The following ARSG variants were observed in gnomAD, a reference collection of about 807,000 sequenced individuals.
The protein encoded by ARSG is arylsulfatase G, also known as ASG.
ARSG carries 37 observed loss-of-function variants against 50.5 expected under a neutral mutation model. The observed-to-expected ratio is 0.73, with a 90% CI of 0.56 to 0.96. The LOEUF (loss-of-function observed/expected upper bound fraction) is 0.96. Ranked by LOEUF, ARSG falls within the 50% of genes least tolerant of loss-of-function variation. The pLI, the probability that ARSG is intolerant of heterozygous loss-of-function variation, is 0.00. For missense variants in ARSG, 629 were observed against 675.3 expected (o/e 0.93, Z 0.76); for synonymous variants, 225 against 254.6 (o/e 0.88, Z 1.11).
intron 9 of ARSG, among the ~76,000 whole-genome samples, chr17:68,393,379 G>A (rs1476468974): frequency 1.3e-5 from 2 of 152,132 alleles, no homozygotes; most frequent in Non-Finnish European, 2.9e-5. Flanking sequence ...TACGCTACCT[G>A]CCTGGTAGTC....
At chr17:68,382,250 T>C (rs561091236) in intron 8 of ARSG, among the ~76,000 whole-genome samples, 14 of 152,336 alleles carry the variant, frequency 9.2e-5, no homozygotes, top group African/African-American at 3.4e-4. Context: ...CGGCCGGCTC[T>C]ATCATTTTCT....
At chr17:68,316,093 GCACA>G (rs2077059490) in intron 2 of ARSG, among the ~76,000 whole-genome samples, 1 of 152,146 alleles carries the variant, frequency 6.6e-6, no homozygotes, top group African/African-American at 2.4e-5. Flanking sequence ...TCCTCACATT[GCACA>G]TGTTTCTGTT....
At chr17:68,439,755 G>A in the ARSG span, among the ~76,000 whole-genome samples, 5 of 152,200 alleles carry the variant, frequency 3.3e-5, no homozygotes, top group African/African-American at 4.8e-5. Context: ...AACTCTGGCC[G>A]AGTTATTTGC....
At chr17:68,444,915 C>CT in the ARSG span, among the ~76,000 whole-genome samples, 647 of 89,048 alleles carry the variant, frequency 7.3e-3, 17 homozygotes, top group African/African-American at 0.017. Flanking sequence ...ATCCTGAACA[C>CT]TTTTTTTTTT....
intron 11 of ARSG, among the ~76,000 whole-genome samples, chr17:68,412,295 A>C (rs1334529583): frequency 6.6e-6 from 1 of 151,706 alleles, no homozygotes; most frequent in Non-Finnish European, 1.5e-5. Context: ...TTCCTTCAGG[A>C]GCTCTTTTAG....
chr17:68,278,494 G>C (rs1162170321), intron 1 of ARSG, among the ~76,000 whole-genome samples: 1 of 152,032 alleles, frequency 6.6e-6, no homozygotes, highest in Non-Finnish European at 1.5e-5. Context: ...CTGTCATCCA[G>C]GCTAGAGTGC....
At chr17:68,377,541 A>G (rs1029736146) in intron 8 of ARSG, among the ~76,000 whole-genome samples, 10 of 152,116 alleles carry the variant, frequency 6.6e-5, no homozygotes, top group African/African-American at 9.7e-5. Context: ...ACCATTCTCC[A>G]TGGACTGTTG....
the ARSG span, among the ~76,000 whole-genome samples, chr17:68,441,278 AACAG>A: frequency 2.0e-5 from 3 of 152,340 alleles, no homozygotes; most frequent in East Asian, 3.9e-4. Flanking sequence ...GCATGACACA[AACAG>A]ACAGAAAGAA....
chr17:68,362,136 G>T (rs1017391789), intron 6 of ARSG, among the ~76,000 whole-genome samples: 2 of 152,038 alleles, frequency 1.3e-5, no homozygotes, highest in African/African-American at 4.8e-5. Flanking sequence ...GCTCATGCCT[G>T]GGATCTGCAG....
At chr17:68,298,653 A>G (rs2076297976) in intron 1 of ARSG, among the ~76,000 whole-genome samples, 1 of 151,230 alleles carries the variant, frequency 6.6e-6, no homozygotes. Flanking sequence ...ACAGAAATTT[A>G]CAAAAATACA....
intron 1 of ARSG, among the ~76,000 whole-genome samples, chr17:68,298,726 G>A (rs1464094299): frequency 2.0e-5 from 3 of 152,084 alleles, no homozygotes; most frequent in African/African-American, 4.8e-5. Flanking sequence ...TTCCTGGTGA[G>A]GGCTCTCTTC....
intron 5 of ARSG, among the ~76,000 whole-genome samples, chr17:68,352,244 A>G (rs1395282086): frequency 6.6e-6 from 1 of 152,092 alleles, no homozygotes; most frequent in African/African-American, 2.4e-5. Flanking sequence ...TGGACAACTA[A>G]GCCAGCATTC....
intron 2 of ARSG, among the ~76,000 whole-genome samples, chr17:68,331,187 TTC>T (rs1368543114): frequency 2.8e-5 from 1 of 35,704 alleles, no homozygotes; most frequent in Non-Finnish European, 4.9e-5. Context: ...GTTTCTTTCT[TTC>T]TTTCTTTCTT....
In ARSG at chr17:68,271,560, G is replaced by C; in HGVS notation, c.-552+12134G>C. On this transcript the variant is annotated intron_variant, in intron 1 of 11. Transcript: ENST00000448504. This position sits in a 1 kb window ranked among gnomAD's most constrained non-coding sequence, Gnocchi z 5.3. The stretch of plus-strand genomic sequence containing the variant: ...CTGGTCCTCTGATAAAGATGGGTCT[G>C]AGCAGTGCTCCGAAGATGACAATGT... 6.2e-7 allele frequency: 1 copy of C among 1,614,216 alleles called. No individual in the cohort carries two copies. The highest frequency in any genetic ancestry group is 8.5e-7 in the Non-Finnish European group (1 of 1,180,034).
At chr17:68,346,633 C>A in intron 3 of ARSG, 1 of 923,842 alleles carries the variant, frequency 1.1e-6, no homozygotes, top group South Asian at 1.7e-5. Context: ...CATTTGCTGC[C>A]CCGTAGGTGT....
In ARSG at chr17:68,321,170, G is replaced by A. The variant is rs549519876; in HGVS notation, c.218+13459G>A. Among the ~76,000 whole-genome samples, 64 of 152,134 alleles carry A rather than the reference G, an allele frequency of 4.2e-4. 1 individual carries two copies. The South Asian group carries it at 0.012, about 29-fold the overall frequency. The stretch of plus-strand genomic sequence containing the variant: ...CACTCCAGCCTGGACAACATAGCAA[G>A]ACCCCATCTCAAAAAAAGGAGAAAG... On this transcript the variant is annotated intron_variant, in intron 2 of 11. Coordinates refer to ENST00000621439, the MANE Select transcript of ARSG (RefSeq NM_001267727.2).
chr17:68,273,970 T>G, intron 1 of ARSG: 1 of 1,614,150 alleles, frequency 6.2e-7, no homozygotes, highest in Non-Finnish European at 8.5e-7. Flanking sequence ...AAACCTCTTG[T>G]GAGAAGGAGG....
In ARSG at chr17:68,417,733, A is replaced by ATTTTTTT. The variant is rs770292731; in HGVS notation, c.1304-2430_1304-2424dup. Among the ~76,000 whole-genome samples the ATTTTTTT allele has an allele frequency of 7.1e-3, 429 of 60,838 alleles. 86 individuals are homozygous for ATTTTTTT. The highest frequency in any genetic ancestry group is 0.042 in the Middle Eastern group (2 of 48). The allele number at this position is 60,838 out of a possible 152,430, so 39.9% of individuals were successfully genotyped here. On this transcript the variant is annotated intron_variant, in intron 11 of 11. Transcript: ENST00000621439. ...CAAAAGACCTAATAAGAGTTGCTGAATTTTTTTTTTTTTTTTTTTTTTTTT... is the reference window on the plus strand; with the variant it reads ...CAAAAGACCTAATAAGAGTTGCTGAATTTTTTTTTTTTTTTTTTTTTTTTTTTTTTTT...
chr17:68,411,350 C>T (rs1445871669), intron 11 of ARSG, among the ~76,000 whole-genome samples: 2 of 151,900 alleles, frequency 1.3e-5, no homozygotes, highest in Non-Finnish European at 2.9e-5. Context: ...TTTCAAAGAA[C>T]ATCTTTATTT....
Sources: allele counts gnomAD v4.1 joint callset (sites outside exome capture counted in the v4.1 genomes callset), GRCh38; gene constraint gnomAD v4.1.1; non-coding constraint Gnocchi (gnomAD v3.1); transcripts MANE v1.5; gene names NCBI Gene and HGNC (gene_info 2026-07-23, HGNC 2026-07-21).